Variants in CLDN10 observed in about 807,000 individuals in gnomAD.
CLDN10 encodes the protein claudin-10.
A neutral mutation model predicts 22.9 loss-of-function variants in CLDN10; 15 were observed. That is an observed-to-expected ratio of 0.65 (90% CI 0.44 to 1.01). CLDN10 has a LOEUF of 1.01. Among genes scored for constraint, CLDN10 ranks in the 50% least tolerant of loss-of-function variants. CLDN10 has a pLI of 0.00. For missense variants in CLDN10, 247 were observed against 287.8 expected, an observed-to-expected ratio of 0.86 and a Z score of 1.03; for synonymous variants, 114 against 111.4, an observed-to-expected ratio of 1.02 and a Z score of -0.15.
intron 1 of CLDN10, among the ~76,000 whole-genome samples, chr13:95,457,370 G>A (rs1161291465): frequency 6.6e-6 from 1 of 152,194 alleles, no homozygotes; most frequent in African/African-American, 2.4e-5. Flanking sequence ...TGTTTCGTAT[G>A]CAAATGGATC....
chr13:95,471,473 G>A (rs1329872176), intron 1 of CLDN10, among the ~76,000 whole-genome samples: 3 of 91,168 alleles, frequency 3.3e-5, no homozygotes, highest in Non-Finnish European at 6.3e-5. Context: ...TTTTTTTTGA[G>A]ATGGAGTCTT....
intron 1 of CLDN10, among the ~76,000 whole-genome samples, chr13:95,531,992 T>C (rs1260816048): frequency 6.6e-6 from 1 of 152,124 alleles, no homozygotes; most frequent in Non-Finnish European, 1.5e-5. Context: ...CTCTGATTCA[T>C]ACCAAACAAA....
chr13:95,578,329 A>T lies in CLDN10; in HGVS notation c.*315A>T, dbSNP rs1348333653. ...TATTCGTACTCTAGCCTTTTTAATCATTCATAGATAGAAGTCTTTGTACCC... is the reference window on the plus strand; with the variant it reads ...TATTCGTACTCTAGCCTTTTTAATCTTTCATAGATAGAAGTCTTTGTACCC... On this transcript the variant is annotated 3_prime_UTR_variant, in exon 5 of 5. Transcript: ENST00000299339. 5.5e-6 allele frequency: 1 copy of T among 180,570 alleles called. No homozygotes were observed. The highest frequency in any genetic ancestry group is 1.2e-5 in the Non-Finnish European group (1 of 86,526). 11.2% of individuals were successfully genotyped at this position (180,570 alleles called of 1,614,324 possible).
chr13:95,555,047 G>GTTTTT (rs71211686), intron 1 of CLDN10, among the ~76,000 whole-genome samples: 6,589 of 107,278 alleles, frequency 0.061, 408 homozygotes, highest in Non-Finnish European at 0.072. Flanking sequence ...TGTTAATCCA[G>GTTTTT]TTTTTTTTTT....
intron 1 of CLDN10, among the ~76,000 whole-genome samples, chr13:95,469,323 G>A (rs990241534): frequency 6.7e-4 from 102 of 152,208 alleles, no homozygotes; most frequent in African/African-American, 2.3e-3. Flanking sequence ...AAGTTTCTGC[G>A]AATTCAGGGG....
intron 1 of CLDN10, among the ~76,000 whole-genome samples, chr13:95,538,776 C>G (rs1268039875): frequency 6.6e-6 from 1 of 152,206 alleles, no homozygotes; most frequent in African/African-American, 2.4e-5. Flanking sequence ...CCTGCTGTAC[C>G]CGCTTATGGC....
intron 1 of CLDN10, among the ~76,000 whole-genome samples, chr13:95,447,238 C>A (rs901712844): frequency 5.9e-5 from 9 of 152,192 alleles, no homozygotes; most frequent in Non-Finnish European, 1.5e-5. Flanking sequence ...TTATTTCCAC[C>A]GGCAAGTCTT....
In CLDN10 at chr13:95,578,073, T is replaced by G; in HGVS notation, c.*59T>G. On this transcript the variant is annotated 3_prime_UTR_variant, in exon 5 of 5. Coordinates refer to ENST00000299339, the MANE Select transcript of CLDN10 (RefSeq NM_006984.5). ...TTATAAAAGCGAACTGTTCACAAAA[T>G]GATCCCATCAAGGCCCTCCCATAAT... is the stretch of plus-strand genomic sequence containing the variant. 2.0e-6 allele frequency: 2 copies of G among 979,184 alleles called. No individual in the cohort carries two copies. Among genetic ancestry groups the G allele is most frequent in the South Asian group, 2.9e-5 (2 of 69,570 alleles). 60.7% of individuals were successfully genotyped at this position (979,184 alleles called of 1,614,324 possible).
At chr13:95,440,701 C>T (rs889114460) in intron 1 of CLDN10, among the ~76,000 whole-genome samples, 5 of 152,198 alleles carry the variant, frequency 3.3e-5, no homozygotes, top group Non-Finnish European at 7.3e-5. Flanking sequence ...CAAACAGAGG[C>T]ATAATATTAT....
intron 1 of CLDN10, chr13:95,479,437 G>A (rs1399548960): frequency 6.6e-6 from 1 of 152,170 alleles, no homozygotes; most frequent in Non-Finnish European, 1.5e-5. Flanking sequence ...TGACAAGCCT[G>A]AAGGTATTAG....
chr13:95,434,504 T>C (rs2042245404), intron 1 of CLDN10, among the ~76,000 whole-genome samples: 1 of 142,914 alleles, frequency 7.0e-6, no homozygotes, highest in Non-Finnish European at 1.5e-5. Context: ...CACACAGAGG[T>C]ATCTATATGT....
At chr13:95,525,509 G>A (rs893844881) in intron 1 of CLDN10, among the ~76,000 whole-genome samples, 12 of 151,430 alleles carry the variant, frequency 7.9e-5, no homozygotes, top group African/African-American at 2.9e-4. Flanking sequence ...TTTTGTTTTT[G>A]TGAGACAGAG....
chr13:95,568,215 TCA>T (rs2043809629), intron 3 of CLDN10, among the ~76,000 whole-genome samples: 1 of 152,220 alleles, frequency 6.6e-6, no homozygotes, highest in African/African-American at 2.4e-5. Flanking sequence ...TCACATATTC[TCA>T]GATAGGAGAT....
intron 1 of CLDN10, among the ~76,000 whole-genome samples, chr13:95,438,366 G>A (rs2042292178): frequency 6.6e-6 from 1 of 152,222 alleles, no homozygotes; most frequent in Non-Finnish European, 1.5e-5. Flanking sequence ...AGGCCTCCCA[G>A]AGTGCTGGGA....
chr13:95,489,243 C>A (rs1594557557), intron 1 of CLDN10, among the ~76,000 whole-genome samples: 1 of 152,116 alleles, frequency 6.6e-6, no homozygotes, highest in South Asian at 2.1e-4. Context: ...GCCACCACGC[C>A]CGACCCTACT....
intron 1 of CLDN10, chr13:95,497,215 CATATT>C (rs1348489887): frequency 1.3e-4 from 19 of 151,968 alleles, no homozygotes; most frequent in African/African-American, 3.9e-4. Flanking sequence ...TATTAATAAA[CATATT>C]ATAGTGAATG....
intron 1 of CLDN10, among the ~76,000 whole-genome samples, chr13:95,480,477 C>T (rs1012039653): frequency 2.0e-5 from 3 of 152,208 alleles, no homozygotes; most frequent in Non-Finnish European, 4.4e-5. Flanking sequence ...AAATAGGAAG[C>T]GTCTGAAGCT....
chr13:95,476,700 G>A (rs1454012918), intron 1 of CLDN10, among the ~76,000 whole-genome samples: 1 of 152,042 alleles, frequency 6.6e-6, no homozygotes, highest in African/African-American at 2.4e-5. Context: ...GAGATGGAGA[G>A]AGAAAGGAGG....
At chr13:95,559,772 A>G (rs1284206161) in intron 1 of CLDN10, among the ~76,000 whole-genome samples, 1 of 152,128 alleles carries the variant, frequency 6.6e-6, no homozygotes, top group Non-Finnish European at 1.5e-5. Context: ...TCACTGTGGA[A>G]TTTCACTATA....
Sources: allele counts gnomAD v4.1 joint callset (sites outside exome capture counted in the v4.1 genomes callset), GRCh38; gene constraint gnomAD v4.1.1; transcripts MANE v1.5; gene names NCBI Gene and HGNC (gene_info 2026-07-23, HGNC 2026-07-21).